The following MNS1 variants were observed in gnomAD, a reference collection of about 807,000 sequenced individuals.
MNS1 encodes the protein meiosis-specific nuclear structural protein 1.
In MNS1, 63 loss-of-function variants were observed where a neutral mutation model predicts 72.0. That is an observed-to-expected ratio of 0.87 (90% CI 0.71 to 1.08). The LOEUF (loss-of-function observed/expected upper bound fraction) is 1.08. MNS1 is among the 50% of genes least tolerant of loss of function. MNS1 has a pLI of 0.00. For synonymous variants in MNS1, 188 were observed against 172.1 expected (o/e 1.09, Z -0.72); for missense variants, 604 against 562.4 (o/e 1.07, Z -0.75).
intron 2 of MNS1, among the ~76,000 whole-genome samples, chr15:56,458,598 ATCTG>A: frequency 6.6e-6 from 1 of 152,158 alleles, no homozygotes; most frequent in Non-Finnish European, 1.5e-5. Flanking sequence ...ATCCTCTGTG[ATCTG>A]TCTATTCAAC....
chr15:56,458,071 T>G (rs145066141), intron 2 of MNS1, among the ~76,000 whole-genome samples: 1 of 152,206 alleles, frequency 6.6e-6, no homozygotes, highest in East Asian at 1.9e-4. Context: ...AAAACTTGGA[T>G]GAATCTCCAT....
At chr15:56,461,956 A>G (rs1241912879) in intron 2 of MNS1, among the ~76,000 whole-genome samples, 2 of 146,288 alleles carry the variant, frequency 1.4e-5, no homozygotes, top group Non-Finnish European at 3.0e-5. Flanking sequence ...AGTCAATAAC[A>G]AAGTGTTTTT....
intron 7 of MNS1, among the ~76,000 whole-genome samples, chr15:56,439,664 A>G (rs1198356682): frequency 6.6e-6 from 1 of 152,006 alleles, no homozygotes; most frequent in African/African-American, 2.4e-5. Flanking sequence ...ACTAAATCCA[A>G]TGGCAAAAAC....
At chr15:56,449,552 C>T (rs2050933697) in intron 3 of MNS1, among the ~76,000 whole-genome samples, 1 of 152,150 alleles carries the variant, frequency 6.6e-6, no homozygotes, top group Admixed American at 6.5e-5. Context: ...GATTAGTCTA[C>T]AGGTTTCTCA....
At chr15:56,439,486 T>A (rs999689277) in intron 7 of MNS1, among the ~76,000 whole-genome samples, 7 of 152,176 alleles carry the variant, frequency 4.6e-5, no homozygotes, top group South Asian at 4.1e-4. Context: ...GCTGCAGTAT[T>A]CAAAACTGTG....
chr15:56,430,175 G>A (rs1392864042), intron 9 of MNS1: 2 of 152,076 alleles, frequency 1.3e-5, no homozygotes, highest in Non-Finnish European at 2.9e-5. Context: ...TTATTTATAT[G>A]AGTCTAGATG....
intron 7 of MNS1, among the ~76,000 whole-genome samples, chr15:56,441,974 C>T (rs761897011): frequency 6.6e-6 from 1 of 152,016 alleles, no homozygotes; most frequent in East Asian, 1.9e-4. Context: ...GAGCCGAGAT[C>T]ACGCCACTGC....
At chr15:56,447,478 A>G (rs907560815) in intron 3 of MNS1, 1 of 152,092 alleles carries the variant, frequency 6.6e-6, no homozygotes. Flanking sequence ...CGATGTTTAT[A>G]TCTGTGTTTT....
At chr15:56,454,371 C>A (rs913890033) in intron 3 of MNS1, among the ~76,000 whole-genome samples, 1 of 48,234 alleles carries the variant, frequency 2.1e-5, no homozygotes, top group African/African-American at 7.1e-5. Context: ...CAATTATACT[C>A]TTTATTTTTA....
chr15:56,464,523 A>G (rs2051045700), intron 1 of MNS1, among the ~76,000 whole-genome samples: 1 of 151,996 alleles, frequency 6.6e-6, no homozygotes, highest in Non-Finnish European at 1.5e-5. Flanking sequence ...GATTAATCGC[A>G]CCCTACAGAC....
intron 2 of MNS1, among the ~76,000 whole-genome samples, chr15:56,460,005 A>ATATATATATATATATATATATAT (rs1374166252): frequency 3.3e-5 from 1 of 30,538 alleles, no homozygotes; most frequent in African/African-American, 1.2e-4. Flanking sequence ...AAAAAAAAAA[A>ATATATATATATATATATATATAT]AAAAATACAT....
At chr15:56,445,828 T>G (rs1468796824) in intron 4 of MNS1, 1 of 152,024 alleles carries the variant, frequency 6.6e-6, no homozygotes, top group Non-Finnish European at 1.5e-5. Context: ...TACAACTACC[T>G]TGAATAACTT....
intron 7 of MNS1, among the ~76,000 whole-genome samples, chr15:56,435,940 C>T (rs1431684612): frequency 1.3e-5 from 2 of 151,982 alleles, no homozygotes; most frequent in African/African-American, 4.8e-5. Context: ...AAGAATTATT[C>T]ACCATGACCA....
chr15:56,456,179 A>C (rs147182980), intron 3 of MNS1, among the ~76,000 whole-genome samples: 253 of 152,256 alleles, frequency 1.7e-3, no homozygotes, highest in Non-Finnish European at 3.1e-3. Context: ...AGGGGGACTG[A>C]TATTTATTTT....
At chr15:56,449,271 A>G (rs1308431305) in intron 3 of MNS1, among the ~76,000 whole-genome samples, 1 of 147,248 alleles carries the variant, frequency 6.8e-6, no homozygotes, top group Non-Finnish European at 1.5e-5. Flanking sequence ...ACATTTTGCT[A>G]TTAAGGATAA....
intron 3 of MNS1, among the ~76,000 whole-genome samples, chr15:56,450,022 T>C (rs1317233638): frequency 6.6e-6 from 1 of 152,214 alleles, no homozygotes; most frequent in East Asian, 1.9e-4. Context: ...TTCTACTTTA[T>C]GTTTATATTC....
chr15:56,428,934 A>G lies in MNS1; in HGVS notation c.*167T>C. On this transcript the variant is annotated 3_prime_UTR_variant, in exon 10 of 10. Transcript: ENST00000260453. Reference sequence around the variant, plus strand: ...AGTACAAAAATAACAGCTTGATTAAAATTAATTTGTATCTGATAATTGTTT... The same window carrying G: ...AGTACAAAAATAACAGCTTGATTAAGATTAATTTGTATCTGATAATTGTTT... 3.7e-6 allele frequency: 2 copies of G among 546,888 alleles called. No homozygotes were observed. Among genetic ancestry groups the G allele is most frequent in the South Asian group, 5.1e-5 (2 of 39,542 alleles). 33.9% of individuals were successfully genotyped at this position (546,888 alleles called of 1,614,324 possible). A position where few individuals can be genotyped will look rare whatever the true frequency, so the allele number is the denominator to read the frequency against.
At chr15:56,431,222 G>A in intron 9 of MNS1, 151 bp downstream of exon 9, 1 of 748,696 alleles carries the variant, frequency 1.3e-6, no homozygotes, top group Non-Finnish European at 2.1e-6. Flanking sequence ...AATGGGCCCA[G>A]AGAGGTTCAG....
At chr15:56,434,092 G>A in intron 8 of MNS1, 46 bp downstream of exon 8, 1 of 1,573,464 alleles carries the variant, frequency 6.4e-7, no homozygotes, top group African/African-American at 1.4e-5. Context: ...ATGAGCTATT[G>A]CTGTTTAATG....
Sources: gnomAD v4.1 joint callset for allele counts (sites outside exome capture counted in the v4.1 genomes callset) on GRCh38, gnomAD v4.1.1 for gene constraint, MANE v1.5 for transcripts, NCBI Gene and HGNC (gene_info 2026-07-23, HGNC 2026-07-21) for gene names.